MORC1: variants seen among roughly 807,000 people sequenced by gnomAD.
MORC1 encodes MORC family CW-type zinc finger 1, also known as MORC family CW-type zinc finger protein 1.
MORC1 carries 59 observed loss-of-function variants against 134.9 expected under a neutral mutation model. The ratio of observed to expected loss-of-function variants is 0.44; its 90% confidence interval spans 0.35 to 0.54. The LOEUF (loss-of-function observed/expected upper bound fraction) is 0.54. MORC1 is among the 20% of genes least tolerant of loss of function. The pLI is 0.00. For missense variants in MORC1, 947 were observed against 1,134.5 expected, an observed-to-expected ratio of 0.83 and a Z score of 2.37; for synonymous variants, 395 against 391.7, an observed-to-expected ratio of 1.01 and a Z score of -0.10.
intron 12 of MORC1, among the ~76,000 whole-genome samples, 175 bp from the exon 13 acceptor site, chr3:109,057,661 G>A (rs899558809): frequency 1.3e-5 from 2 of 151,588 alleles, no homozygotes; most frequent in South Asian, 2.1e-4. Flanking sequence ...CTGCATAAAC[G>A]TGATGCCAGT....
intron 13 of MORC1, among the ~76,000 whole-genome samples, chr3:109,055,393 A>T (rs1468554860): frequency 6.6e-6 from 1 of 152,244 alleles, no homozygotes; most frequent in East Asian, 1.9e-4. Context: ...GGTTGGTGAC[A>T]TAACCTGCTT....
chr3:108,959,686 G>A (rs1947028370), intron 27 of MORC1, among the ~76,000 whole-genome samples: 2 of 152,056 alleles, frequency 1.3e-5, no homozygotes, highest in Non-Finnish European at 2.9e-5. Context: ...TATGAGTTGG[G>A]TCTTCAAAAA....
intron 20 of MORC1, among the ~76,000 whole-genome samples, chr3:109,002,664 T>C (rs1053291494): frequency 6.6e-6 from 1 of 152,188 alleles, no homozygotes; most frequent in South Asian, 2.1e-4. Flanking sequence ...TAAAAGGCTA[T>C]ACCCCTGAGA....
intron 21 of MORC1, among the ~76,000 whole-genome samples, chr3:108,998,084 G>T (rs182560920): frequency 6.6e-6 from 1 of 152,242 alleles, no homozygotes; most frequent in Non-Finnish European, 1.5e-5. Flanking sequence ...CTCTTGGGGA[G>T]GTGGACACAG....
At chr3:109,073,760 G>C (rs1001914972) in intron 8 of MORC1, among the ~76,000 whole-genome samples, 1 of 152,108 alleles carries the variant, frequency 6.6e-6, no homozygotes, top group Non-Finnish European at 1.5e-5. Flanking sequence ...AAGACTTTTT[G>C]AAGTTGAAAT....
intron 17 of MORC1, among the ~76,000 whole-genome samples, chr3:109,009,714 G>A (rs1948637704): frequency 6.6e-6 from 1 of 152,000 alleles, no homozygotes; most frequent in African/African-American, 2.4e-5. Flanking sequence ...TTGGTCAAAG[G>A]AATCTATATT....
intron 23 of MORC1, among the ~76,000 whole-genome samples, chr3:108,983,424 G>C (rs1947805688): frequency 6.6e-6 from 1 of 152,146 alleles, no homozygotes; most frequent in African/African-American, 2.4e-5. Context: ...CTTTAAAATA[G>C]TAATACACGC....
chr3:109,031,114 G>A (rs1440042738), intron 16 of MORC1, among the ~76,000 whole-genome samples: 1 of 152,174 alleles, frequency 6.6e-6, no homozygotes, highest in East Asian at 1.9e-4. Flanking sequence ...ACAGTAAGTT[G>A]AAGGTAAGGG....
chr3:108,966,374 T>C (rs573579065), intron 26 of MORC1, among the ~76,000 whole-genome samples: 106 of 152,308 alleles, frequency 7.0e-4, no homozygotes, highest in Non-Finnish European at 7.8e-4. Context: ...ACAACATCTA[T>C]AGATTTTGTA....
chr3:109,081,844 T>C (rs891705551), intron 8 of MORC1, among the ~76,000 whole-genome samples: 1 of 152,154 alleles, frequency 6.6e-6, no homozygotes, highest in Non-Finnish European at 1.5e-5. Flanking sequence ...ACAGTTTCTA[T>C]ACCAGAAAAA....
rs934688737 is a variant in MORC1, at chr3:109,100,470, T to C, written c.261A>G (p.Lys87=). The change falls in exon 5 of 28, where the codon AAA becomes AAG. Residue 87 remains lysine, a synonymous_variant. Coordinates refer to ENST00000232603, the MANE Select transcript of MORC1 (RefSeq NM_014429.4). ...ASDIIYFGRS[K]KRLSTLKFIG... is the part of the protein sequence containing the mutation. The stretch of plus-strand genomic sequence containing the variant: ...TGAACTTCAAGGTTGACAGCCGTTT[T>C]TTGGATCGTCCAAAGTAAATGATGT... 5.6e-6 allele frequency: 9 copies of C among 1,613,822 alleles called. No homozygotes were observed. The highest frequency in any genetic ancestry group is 7.6e-6 in the Non-Finnish European group (9 of 1,179,742).
rs1262261110 is a variant in MORC1, at chr3:109,063,173, C to T, written c.874G>A (p.Ala292Thr). 6.2e-7 allele frequency: 1 copy of T among 1,600,678 alleles called. No individual in the cohort carries two copies. The highest frequency in any genetic ancestry group is 8.6e-7 in the Non-Finnish European group (1 of 1,169,336). ...KGAFKDEVKK[A>T]EEAVKIAESI... ...ATACCAATCTTTACTGCTTCTTCTG[C>T]CTTTTTAACTTCATCTTTAAATGCT... is the stretch of plus-strand genomic sequence containing the variant. Residue 292 changes from alanine to threonine, a missense_variant, in exon 10 of 28, where the codon GCA becomes ACA. Ala to Thr is a moderately conservative substitution (Grantham distance 58). Transcript: ENST00000232603.
Position 109,073,900 on chromosome 3 carries a change from C to T in MORC1, c.690-4143G>A, listed in dbSNP as rs1409612911. On this transcript the variant is annotated intron_variant, in intron 8 of 27. Transcript: ENST00000232603. ...ATTAAACCTATGAGAAATGTCAACT[C>T]GAAGAGGTAATTTTTTTAAAAAAGT... 2.6e-5 allele frequency among the ~76,000 whole-genome samples: 4 copies of T among 152,006 alleles called. No individual in the cohort carries two copies. The East Asian group carries it at 5.8e-4, about 22-fold the overall frequency.
chr3:109,010,328 T>G (rs763302110), intron 17 of MORC1, among the ~76,000 whole-genome samples: 3 of 152,180 alleles, frequency 2.0e-5, no homozygotes, highest in Non-Finnish European at 4.4e-5. Flanking sequence ...TTTCTTCTGT[T>G]TAAGTTCTGC....
chr3:109,066,288 CTTT>C (rs377008017), intron 9 of MORC1, among the ~76,000 whole-genome samples: 1 of 144,316 alleles, frequency 6.9e-6, no homozygotes. Flanking sequence ...CTCTTTTTTT[CTTT>C]TTTTTTTTTT....
At position 109,063,182 on chromosome 3, in the gene MORC1, C is replaced by A. The variant is rs1486109598; in HGVS notation, c.865G>T (p.Val289Phe). 6.2e-7 allele frequency: 1 copy of A among 1,602,808 alleles called. No homozygotes were observed. The highest frequency in any genetic ancestry group is 1.7e-5 in the Admixed American group (1 of 59,990). Reference protein sequence around the residue: ...SSFKGAFKDEVKKAEEAVKIA... With the variant: ...SSFKGAFKDEFKKAEEAVKIA... The stretch of plus-strand genomic sequence containing the variant: ...TTTACTGCTTCTTCTGCCTTTTTAA[C>A]TTCATCTTTAAATGCTCCTTTAAAA... The change falls in exon 10 of 28, where the codon GTT (valine) becomes TTT (phenylalanine). Residue 289 changes from valine (V) to phenylalanine (F), a missense_variant. Transcript: ENST00000232603.
intron 14 of MORC1, among the ~76,000 whole-genome samples, chr3:109,043,180 GCAAAATGT>G (rs371259526): frequency 0.061 from 2,253 of 37,124 alleles, 13 homozygotes; most frequent in South Asian, 0.084. Flanking sequence ...GCAAAATGTG[GCAAAATGT>G]GGGGGGGGGG....
At chr3:109,041,911 T>A (rs891265950) in intron 14 of MORC1, among the ~76,000 whole-genome samples, 9 of 150,016 alleles carry the variant, frequency 6.0e-5, no homozygotes, top group Non-Finnish European at 1.3e-4. Context: ...GCCACTACAC[T>A]CCAGCCTGGG....
intron 14 of MORC1, among the ~76,000 whole-genome samples, chr3:109,035,911 T>C (rs913675882): frequency 6.6e-5 from 10 of 152,324 alleles, no homozygotes; most frequent in South Asian, 2.1e-4. Context: ...ATCTTTATTT[T>C]ATCTCTGGTT....
Sources: allele counts gnomAD v4.1 joint callset (sites outside exome capture counted in the v4.1 genomes callset), GRCh38; gene constraint gnomAD v4.1.1; transcripts MANE v1.5; gene names NCBI Gene and HGNC (gene_info 2026-07-23, HGNC 2026-07-21).